Variants in ARHGAP26 observed in about 807,000 individuals in gnomAD.
The protein encoded by ARHGAP26 is rho GTPase-activating protein 26.
ARHGAP26 carries 38 observed loss-of-function variants against 104.8 expected under a neutral mutation model. The observed-to-expected ratio is 0.36, with a 90% confidence interval of 0.28 to 0.48. The LOEUF is 0.48. ARHGAP26 is among the 20% of genes least tolerant of loss of function. The pLI is 0.99. For synonymous variants in ARHGAP26, 341 were observed against 340.0 expected, an observed-to-expected ratio of 1.00 and a Z score of -0.03; for missense variants, 704 against 947.9, an observed-to-expected ratio of 0.74 and a Z score of 3.38.
chr5:142,909,769 C>G (rs982099459), intron 9 of ARHGAP26, among the ~76,000 whole-genome samples: 1 of 152,196 alleles, frequency 6.6e-6, no homozygotes, highest in African/African-American at 2.4e-5. Flanking sequence ...TTGGATTGAG[C>G]CTTAGTCCCT....
At chr5:143,087,666 A>C (rs1790801727) in intron 17 of ARHGAP26, among the ~76,000 whole-genome samples, 1 of 8,062 alleles carries the variant, frequency 1.2e-4, no homozygotes. Context: ...TTTTTTTGAG[A>C]CGGAGTTTTG....
intron 1 of ARHGAP26, among the ~76,000 whole-genome samples, chr5:142,812,448 G>A (rs552197139): frequency 4.0e-5 from 6 of 151,466 alleles, no homozygotes; most frequent in Non-Finnish European, 7.4e-5. Context: ...AGCAATTCTC[G>A]TGCCTCAGCC....
At chr5:142,890,151 A>AAAAAAAAAAAAAAATAT (rs1252590997) in intron 5 of ARHGAP26, among the ~76,000 whole-genome samples, 1 of 32,430 alleles carries the variant, frequency 3.1e-5, no homozygotes, top group Non-Finnish European at 5.5e-5. Flanking sequence ...AAAAAAAAAA[A>AAAAAAAAAAAAAAATAT]ATATATATAT....
intron 20 of ARHGAP26, among the ~76,000 whole-genome samples, chr5:143,206,462 A>G (rs78702923): frequency 0.011 from 1,686 of 152,370 alleles, 33 homozygotes; most frequent in African/African-American, 0.039. Flanking sequence ...AAGGAACAAA[A>G]TGAACAAATT....
At chr5:143,149,392 C>T (rs899696952) in intron 20 of ARHGAP26, among the ~76,000 whole-genome samples, 14 of 152,100 alleles carry the variant, frequency 9.2e-5, no homozygotes, top group African/African-American at 2.9e-4. Context: ...CTGATACCAG[C>T]GTCTGCCATG....
At chr5:142,774,160 C>CA (rs763184103) in intron 1 of ARHGAP26, among the ~76,000 whole-genome samples, 9 of 152,128 alleles carry the variant, frequency 5.9e-5, no homozygotes, top group South Asian at 2.1e-4. Context: ...TAAAGAAAAT[C>CA]AAAGGCATTT....
intron 8 of ARHGAP26, among the ~76,000 whole-genome samples, chr5:142,906,249 A>G (rs1761089234): frequency 6.6e-6 from 1 of 152,208 alleles, no homozygotes; most frequent in African/African-American, 2.4e-5. Flanking sequence ...TCTCCACTAT[A>G]CAGTCACTAT....
chr5:143,193,240 CTTTTTTTTTTTT>C lies in ARHGAP26; in HGVS notation c.1989-13944_1989-13933del, dbSNP rs57462040. On this transcript the variant is annotated intron_variant, in intron 20 of 22. Coordinates refer to ENST00000645722, the MANE Select transcript of ARHGAP26 (RefSeq NM_001135608.3). ...GGTATTACAGTGCTTATTTTCTTTT[CTTTTTTTTTTTT>C]TTTTTTTTTTTTTGAGGCAGAGTCT... Among the ~76,000 whole-genome samples the C allele has an allele frequency of 3.1e-3, 232 of 74,604 alleles. 7 individuals carry two copies. In the East Asian group the frequency reaches 0.074, roughly 24 times the overall value. 48.9% of individuals were successfully genotyped at this position (74,604 alleles called of 152,430 possible).
rs577674051 is a variant in ARHGAP26 at position 142,960,341 on chromosome 5, C to T, written c.1107+28216C>T. On this transcript the variant is annotated intron_variant, in intron 11 of 22. Transcript: ENST00000645722. ...CTCTCTCATCGATGGATTCACTTTC[C>T]ATAGTTACCTATTAAATTAGCTGCA... Among the ~76,000 whole-genome samples the T allele has an allele frequency of 4.6e-5, 7 of 152,354 alleles. 1 individual carries two copies. The South Asian group carries it at 1.5e-3, about 32-fold the overall frequency.
At position 143,226,705 on chromosome 5, in the gene ARHGAP26, C is replaced by T. The variant is rs186299903; in HGVS notation, c.*4259C>T. The T allele has an allele frequency of 2.5e-3, 544 of 216,336 alleles. 3 individuals carry two copies. The highest frequency in any genetic ancestry group is 0.011 in the African/African-American group (490 of 44,374). 13.4% of individuals were successfully genotyped at this position (216,336 alleles called of 1,614,324 possible). On this transcript the variant is annotated 3_prime_UTR_variant, in exon 23 of 23. Transcript: ENST00000645722. Reference sequence around the variant, plus strand: ...TAGCTTAATGTCTGAAGTATTTATACGGCCAATATGTGTTTTCTTATGTCA... The same window carrying T: ...TAGCTTAATGTCTGAAGTATTTATATGGCCAATATGTGTTTTCTTATGTCA...
At chr5:143,127,446 T>G (rs572034123) in intron 18 of ARHGAP26, among the ~76,000 whole-genome samples, 1 of 152,322 alleles carries the variant, frequency 6.6e-6, no homozygotes, top group South Asian at 2.1e-4. Flanking sequence ...ATCAGTTAGC[T>G]TTGGAAGAGG....
At chr5:142,991,394 T>A (rs1013394262) in intron 11 of ARHGAP26, among the ~76,000 whole-genome samples, 2 of 152,202 alleles carry the variant, frequency 1.3e-5, no homozygotes, top group Non-Finnish European at 2.9e-5. Context: ...GGGAATTCCC[T>A]GTCCCCTTGC....
chr5:143,037,063 G>A (rs538376297), intron 12 of ARHGAP26, 133 bp from the exon 13 acceptor site: 20 of 488,698 alleles, frequency 4.1e-5, no homozygotes, highest in East Asian at 3.2e-4. Context: ...TGTTATTCCT[G>A]TACTGTTATT....
rs541938349 is a variant in ARHGAP26 at position 143,173,814 on chromosome 5, A to G, written c.1988+26433A>G. On this transcript the variant is annotated intron_variant, in intron 20 of 22. Transcript: ENST00000645722. Reference sequence around the variant, plus strand: ...TGGAAGGGAGAGGTGACCTTGACCTAGACTGCACCCTAGGCTTCCCTATAC... The same window carrying G: ...TGGAAGGGAGAGGTGACCTTGACCTGGACTGCACCCTAGGCTTCCCTATAC... 7.2e-5 allele frequency among the ~76,000 whole-genome samples: 11 copies of G among 152,288 alleles called. No homozygotes were observed. In the South Asian group the frequency reaches 2.3e-3, roughly 32 times the overall value.
chr5:142,831,984 G>T (rs1347344887), intron 1 of ARHGAP26, among the ~76,000 whole-genome samples: 1 of 152,056 alleles, frequency 6.6e-6, no homozygotes, highest in Non-Finnish European at 1.5e-5. Context: ...TAAAGCACAG[G>T]TTTGGCCATA....
intron 11 of ARHGAP26, among the ~76,000 whole-genome samples, chr5:142,950,639 C>T (rs1362028598): frequency 4.6e-5 from 7 of 152,100 alleles, no homozygotes; most frequent in Admixed American, 4.6e-4. Context: ...GTTATTGACC[C>T]AGAAAGTCAA....
chr5:142,844,754 C>T (rs983181915), intron 1 of ARHGAP26, among the ~76,000 whole-genome samples: 5 of 150,020 alleles, frequency 3.3e-5, no homozygotes, highest in African/African-American at 9.9e-5. Flanking sequence ...ACTTGGGAGG[C>T]GGAGGCAAGA....
At chr5:142,813,527 A>C (rs1411356060) in intron 1 of ARHGAP26, among the ~76,000 whole-genome samples, 1 of 152,232 alleles carries the variant, frequency 6.6e-6, no homozygotes, top group South Asian at 2.1e-4. Flanking sequence ...TCCCACAGAC[A>C]GGGCAGTTTC....
chr5:143,193,059 T>A (rs1271102003), intron 20 of ARHGAP26, among the ~76,000 whole-genome samples: 1 of 152,070 alleles, frequency 6.6e-6, no homozygotes, highest in African/African-American at 2.4e-5. Context: ...ATTTGTAAGT[T>A]TTAAACTTCA....
Sources: allele counts gnomAD v4.1 joint callset (sites outside exome capture counted in the v4.1 genomes callset), GRCh38; gene constraint gnomAD v4.1.1; transcripts MANE v1.5; gene names NCBI Gene and HGNC (gene_info 2026-07-23, HGNC 2026-07-21).